Variants in CASP5 observed in about 807,000 individuals in gnomAD.
The protein encoded by CASP5 is caspase 5, also known as caspase-5.
In CASP5, 42 loss-of-function variants were observed where a neutral mutation model predicts 45.2. That is an observed-to-expected ratio of 0.93 (90% CI 0.73 to 1.20). The LOEUF is 1.20. Ranked by LOEUF, CASP5 falls within the 50% of genes most tolerant of loss-of-function variation. The pLI, the probability that CASP5 is intolerant of heterozygous loss-of-function variation, is 0.00. For synonymous variants in CASP5, 209 were observed against 186.2 expected, an observed-to-expected ratio of 1.12 and a Z score of -1.00; for missense variants, 512 against 532.2, an observed-to-expected ratio of 0.96 and a Z score of 0.37.
At chr11:104,997,621 C>A (rs12222985) in intron 7 of CASP5, 129 bp from the exon 8 acceptor site, 1 of 542,378 alleles carries the variant, frequency 1.8e-6, no homozygotes, top group African/African-American at 1.9e-5. Context: ...CAAACATTTA[C>A]TTAGGTTTCA....
At chr11:105,001,956 A>G (rs1861752845) in intron 5 of CASP5, 72 bp downstream of exon 5, 3 of 1,507,476 alleles carry the variant, frequency 2.0e-6, no homozygotes, top group Non-Finnish European at 2.7e-6. Context: ...TTGAACTTCT[A>G]TAAAGCTAAC....
rs746051498 is a variant in CASP5, at chr11:104,998,868, T to TA, written c.1096+16dup. 1.2e-6 allele frequency: 2 copies of TA among 1,608,000 alleles called. No homozygotes were observed. Among genetic ancestry groups the TA allele is most frequent in the Non-Finnish European group, 1.7e-6 (2 of 1,177,640 alleles). ...TCAGCACCCCCAAATTTTTGACTGTTACTAAAAGACACATACGTGGTGTTG... is the reference window on the plus strand; with the variant it reads ...TCAGCACCCCCAAATTTTTGACTGTTAACTAAAAGACACATACGTGGTGTTG... On this transcript the variant is annotated intron_variant, in intron 7 of 9. Coordinates refer to ENST00000260315, the MANE Select transcript of CASP5 (RefSeq NM_004347.5).
intron 2 of CASP5, among the ~76,000 whole-genome samples, 182 bp downstream of exon 2, chr11:105,008,625 G>A (rs566215693): frequency 6.6e-6 from 1 of 152,062 alleles, no homozygotes; most frequent in East Asian, 1.9e-4. Context: ...TAGCCGATTG[G>A]AAACTGGATC....
chr11:105,020,192 C>G (rs1440311148), intron 1 of CASP5, among the ~76,000 whole-genome samples: 7 of 147,212 alleles, frequency 4.8e-5, no homozygotes, highest in African/African-American at 1.7e-4. Context: ...AAACCCACAG[C>G]CAATATCATA....
At chr11:105,020,968 T>C (rs1350245895) in intron 1 of CASP5, among the ~76,000 whole-genome samples, 3 of 151,836 alleles carry the variant, frequency 2.0e-5, no homozygotes, top group Non-Finnish European at 2.9e-5. Context: ...GAGATATAGA[T>C]CAATGGAACA....
At chr11:104,998,159 A>G (rs933632298) in intron 7 of CASP5, among the ~76,000 whole-genome samples, 2 of 152,220 alleles carry the variant, frequency 1.3e-5, no homozygotes, top group African/African-American at 4.8e-5. Flanking sequence ...TGTTTACAGC[A>G]TAGATTTGGG....
At chr11:105,010,271 C>T (rs1453888226) in intron 1 of CASP5, among the ~76,000 whole-genome samples, 2 of 150,832 alleles carry the variant, frequency 1.3e-5, no homozygotes, top group African/African-American at 2.4e-5. Flanking sequence ...ATAAATGTAA[C>T]ATCTCCTATG....
In CASP5 at chr11:105,002,138, A is replaced by C. The variant is rs975854552; in HGVS notation, c.607T>G (p.Phe203Val). 6 of 1,613,964 alleles carry C rather than the reference A, an allele frequency of 3.7e-6. No individual in the cohort carries two copies. Among genetic ancestry groups the C allele is most frequent in the Non-Finnish European group, 5.1e-6 (6 of 1,179,998 alleles). The change falls in exon 5 of 10, where the codon TTT (phenylalanine) becomes GTT (valine). Residue 203 changes from phenylalanine to valine, a missense_variant. Transcript: ENST00000260315. ...CCATTCCTTGCAGGCAGGTGATCAA[A>C]CTTTGTATTGCATATGATGAGAGCC... ...RLALIICNTK[F>V]DHLPARNGAH...
intron 3 of CASP5, 43 bp from the exon 4 acceptor site, chr11:105,003,426 T>A (rs1304611508): frequency 9.3e-7 from 1 of 1,070,606 alleles, no homozygotes; most frequent in Non-Finnish European, 1.4e-6. Context: ...TCTGCCTCTG[T>A]GACCCAATTT....
In CASP5 at chr11:104,998,961, A is replaced by T. The variant is rs200468176; in HGVS notation, c.1020T>A (p.Ser340=). The change falls in exon 7 of 10, where the codon TCT becomes TCA. Residue 340 remains serine, a synonymous_variant. Transcript: ENST00000260315. ...AAACAGAATCTGCCTCCAGGTTCTC[A>T]GATGACTGTGAAGAGATGAGTGCCA... is the stretch of plus-strand genomic sequence containing the variant. ...ASLALISSQS[S]ENLEADSVCK... 3.1e-6 allele frequency: 5 copies of T among 1,613,792 alleles called. No individual in the cohort carries two copies. Among genetic ancestry groups the T allele is most frequent in the African/African-American group, 1.3e-5 (1 of 75,062 alleles).
chr11:105,018,105 C>G (rs1350965714), intron 1 of CASP5, among the ~76,000 whole-genome samples: 1 of 151,686 alleles, frequency 6.6e-6, no homozygotes, highest in East Asian at 1.9e-4. Context: ...CAAGCAAATG[C>G]TGAGAGATTT....
rs778937773 is a variant in CASP5 at position 105,000,463 on chromosome 11, G to A, written c.750C>T (p.Ala250=). ...TGTCAGAGGACTTGTGCTCTGGTCT[G>A]GCAGCAAATGCCCTCAGCACTGACT... The part of the protein sequence containing the change: ...DMESVLRAFA[A]RPEHKSSDST... Residue 250 remains alanine, a synonymous_variant, in exon 6 of 10, where the codon GCC becomes GCT. Transcript: ENST00000260315. 3.1e-6 allele frequency: 5 copies of A among 1,613,972 alleles called. No individual in the cohort carries two copies. The Admixed American group carries it at 6.7e-5, about 22-fold the overall frequency.
At chr11:105,002,697 T>C (rs1861799782) in intron 4 of CASP5, among the ~76,000 whole-genome samples, 1 of 152,230 alleles carries the variant, frequency 6.6e-6, no homozygotes, top group African/African-American at 2.4e-5. Context: ...GTTATAAACA[T>C]TTTATTTTGT....
intron 4 of CASP5, among the ~76,000 whole-genome samples, chr11:105,002,657 A>G (rs1218075489): frequency 6.6e-6 from 1 of 152,222 alleles, no homozygotes; most frequent in African/African-American, 2.4e-5. Flanking sequence ...AGGCTTTTCA[A>G]CTGGGTATAA....
rs377485845 is a variant in CASP5, at chr11:104,997,844, TA to T, written c.1097-353del. Among the ~76,000 whole-genome samples the T allele has an allele frequency of 4.5e-4, 68 of 152,278 alleles. No homozygotes were observed. The East Asian group carries it at 0.011, about 25-fold the overall frequency. The stretch of plus-strand genomic sequence containing the variant: ...AAGAATAGAAGCTCAGAAGGATGAA[TA>T]AACTTTTAGGTTCAGTGAGGAAGCA... On this transcript the variant is annotated intron_variant, in intron 7 of 9. Transcript: ENST00000260315.
At chr11:105,010,659 T>G (rs1862307035) in intron 1 of CASP5, among the ~76,000 whole-genome samples, 1 of 151,496 alleles carries the variant, frequency 6.6e-6, no homozygotes, top group Admixed American at 6.6e-5. Flanking sequence ...ATTTAAATAA[T>G]AGGCTGCCCT....
intron 1 of CASP5, among the ~76,000 whole-genome samples, chr11:105,017,292 A>C (rs1464353439): frequency 6.6e-6 from 1 of 152,254 alleles, no homozygotes; most frequent in Non-Finnish European, 1.5e-5. Context: ...CAGCAACGGA[A>C]CAAAGCTGGA....
chr11:105,019,475 T>C (rs968325049), intron 1 of CASP5, among the ~76,000 whole-genome samples: 62 of 150,578 alleles, frequency 4.1e-4, no homozygotes, highest in African/African-American at 1.4e-3. Context: ...AATGGGGATA[T>C]CACCACCGAT....
At position 105,004,694 on chromosome 11, in the gene CASP5, T is replaced by C. The variant is rs560610338; in HGVS notation, c.434-1311A>G. Reference sequence around the variant, plus strand: ...ATTTTTAATAATATTTTAAAGTAAATGTCTTGCTAAAGAGTATGATAAAAG... The same window carrying C: ...ATTTTTAATAATATTTTAAAGTAAACGTCTTGCTAAAGAGTATGATAAAAG... On this transcript the variant is annotated intron_variant, in intron 3 of 9. Transcript: ENST00000260315. Among the ~76,000 whole-genome samples the C allele has an allele frequency of 4.2e-4, 64 of 152,296 alleles. 1 individual carries two copies. The South Asian group carries it at 8.1e-3, about 19-fold the overall frequency.
Sources: allele counts gnomAD v4.1 joint callset (sites outside exome capture counted in the v4.1 genomes callset), GRCh38; gene constraint gnomAD v4.1.1; transcripts MANE v1.5; gene names NCBI Gene and HGNC (gene_info 2026-07-23, HGNC 2026-07-21).